Variants in XYLT1 observed in about 807,000 individuals in gnomAD.
XYLT1 encodes xylosyltransferase 1.
XYLT1 carries 36 observed loss-of-function variants against 91.3 expected under a neutral mutation model. That is an observed-to-expected ratio of 0.39 (90% CI 0.30 to 0.52). The LOEUF (loss-of-function observed/expected upper bound fraction) is 0.52. Among genes scored for constraint, XYLT1 ranks in the 20% least tolerant of loss-of-function variants. The pLI is 0.68. For synonymous variants in XYLT1, 588 were observed against 532.0 expected (o/e 1.11, Z -1.45); for missense variants, 1,242 against 1,284.5 (o/e 0.97, Z 0.51).
At chr16:17,357,844 G>A (rs1349976492) in intron 2 of XYLT1, among the ~76,000 whole-genome samples, 168 bp downstream of exon 2, 2 of 152,236 alleles carry the variant, frequency 1.3e-5, no homozygotes, top group African/African-American at 4.8e-5. Flanking sequence ...GCACACACGT[G>A]TACACTATAT....
At chr16:17,375,545 G>C (rs577966700) in intron 1 of XYLT1, among the ~76,000 whole-genome samples, 1 of 150,856 alleles carries the variant, frequency 6.6e-6, no homozygotes, top group Non-Finnish European at 1.5e-5. Context: ...AAGTTGCTCT[G>C]AGTCTTACAG....
intron 2 of XYLT1, among the ~76,000 whole-genome samples, chr16:17,309,762 G>A (rs1257255512): frequency 6.6e-6 from 1 of 152,148 alleles, no homozygotes; most frequent in Non-Finnish European, 1.5e-5. Context: ...CCTTTATTTT[G>A]CGAATGAGCC....
intron 2 of XYLT1, among the ~76,000 whole-genome samples, chr16:17,341,323 C>A (rs2035060803): frequency 6.6e-6 from 1 of 152,056 alleles, no homozygotes; most frequent in South Asian, 2.1e-4. Flanking sequence ...CTACTACATC[C>A]CAGAGACTGT....
At chr16:17,385,411 C>T (rs966537946) in intron 1 of XYLT1, among the ~76,000 whole-genome samples, 1 of 151,676 alleles carries the variant, frequency 6.6e-6, no homozygotes, top group East Asian at 2.0e-4. Flanking sequence ...ATATGCTGTA[C>T]GAAGAAAGTA....
chr16:17,200,005 G>A (rs1348053470), intron 4 of XYLT1, among the ~76,000 whole-genome samples: 2 of 151,842 alleles, frequency 1.3e-5, no homozygotes, highest in African/African-American at 4.8e-5. Context: ...GGCAGATCAC[G>A]AGGTCAAGAG....
At chr16:17,381,712 C>A (rs2035682782) in intron 1 of XYLT1, among the ~76,000 whole-genome samples, 1 of 152,086 alleles carries the variant, frequency 6.6e-6, no homozygotes, top group Non-Finnish European at 1.5e-5. Flanking sequence ...CAGGTGTGAG[C>A]CACTGTGCCT....
intron 1 of XYLT1, among the ~76,000 whole-genome samples, chr16:17,430,693 G>A (rs556205073): frequency 1.4e-4 from 22 of 152,168 alleles, no homozygotes; most frequent in Middle Eastern, 3.4e-3. Flanking sequence ...ATTTGTGAAT[G>A]TTTACATATG....
At chr16:17,145,685 T>C (rs1207028667) in intron 6 of XYLT1, among the ~76,000 whole-genome samples, 1 of 152,186 alleles carries the variant, frequency 6.6e-6, no homozygotes, top group Non-Finnish European at 1.5e-5. Flanking sequence ...ATTTTTGAGA[T>C]GAGATTCCTC....
rs541783628 is a variant in XYLT1 at position 17,126,650 on chromosome 16, A to G, written c.2223+1016T>C. ...CCCTCAAGATGTACCATAGTCTACAATCAGACTCTTGGTCCCTAATCCAGC... is the reference window on the plus strand; with the variant it reads ...CCCTCAAGATGTACCATAGTCTACAGTCAGACTCTTGGTCCCTAATCCAGC... On this transcript the variant is annotated intron_variant, in intron 10 of 11. Transcript: ENST00000261381. Among the ~76,000 whole-genome samples, 10 of 152,322 alleles carry G rather than the reference A, an allele frequency of 6.6e-5. No homozygotes were observed. The East Asian group carries it at 1.5e-3, about 24-fold the overall frequency.
chr16:17,219,294 A>AAG (rs2032919105), intron 3 of XYLT1, among the ~76,000 whole-genome samples: 1 of 138,772 alleles, frequency 7.2e-6, no homozygotes, highest in South Asian at 2.1e-4. Flanking sequence ...AAAAAAAAAA[A>AAG]AAAAAAAGAA....
intron 6 of XYLT1, among the ~76,000 whole-genome samples, chr16:17,155,143 C>T (rs888507382): frequency 6.6e-6 from 1 of 152,224 alleles, no homozygotes; most frequent in East Asian, 1.9e-4. Flanking sequence ...GGCTTCATCA[C>T]GTGAGAATTA....
At chr16:17,330,848 C>G (rs916847625) in intron 2 of XYLT1, among the ~76,000 whole-genome samples, 1 of 151,828 alleles carries the variant, frequency 6.6e-6, no homozygotes. Context: ...TGTAGAGGAG[C>G]AAGGGGCAGT....
intron 1 of XYLT1, among the ~76,000 whole-genome samples, chr16:17,372,310 T>A (rs138435522): frequency 3.9e-5 from 6 of 152,368 alleles, no homozygotes; most frequent in African/African-American, 1.4e-4. Flanking sequence ...AGTGCACTAA[T>A]CTTTTCAATC....
chr16:17,130,989 C>T (rs1176226497), intron 9 of XYLT1, among the ~76,000 whole-genome samples: 2 of 152,090 alleles, frequency 1.3e-5, no homozygotes, highest in African/African-American at 4.8e-5. Flanking sequence ...CAGCATTTAC[C>T]CTTATTGATC....
chr16:17,213,787 T>G (rs1392910193), intron 3 of XYLT1, among the ~76,000 whole-genome samples: 1 of 151,892 alleles, frequency 6.6e-6, no homozygotes, highest in Non-Finnish European at 1.5e-5. Flanking sequence ...CCCGGCTAAT[T>G]TTTTGTATTT....
At chr16:17,245,170 T>A (rs2033416886) in intron 3 of XYLT1, among the ~76,000 whole-genome samples, 1 of 152,216 alleles carries the variant, frequency 6.6e-6, no homozygotes, top group African/African-American at 2.4e-5. Context: ...TTTAAAATAA[T>A]GAGAATGTAT....
chr16:17,294,658 C>T (rs2034284035), intron 2 of XYLT1, among the ~76,000 whole-genome samples: 1 of 152,026 alleles, frequency 6.6e-6, no homozygotes, highest in Non-Finnish European at 1.5e-5. Flanking sequence ...CTCAGCCCTG[C>T]ACCCTGCTGC....
intron 3 of XYLT1, among the ~76,000 whole-genome samples, chr16:17,203,472 G>A (rs1429280608): frequency 6.7e-6 from 1 of 150,270 alleles, no homozygotes; most frequent in Non-Finnish European, 1.5e-5. Context: ...CCACTAATCT[G>A]TCCATCCATC....
intron 1 of XYLT1, among the ~76,000 whole-genome samples, chr16:17,405,431 C>T (rs1232367962): frequency 2.0e-5 from 3 of 152,192 alleles, no homozygotes; most frequent in Non-Finnish European, 4.4e-5. Flanking sequence ...ACTTTCCATT[C>T]GCCACACACC....
Sources: allele counts gnomAD v4.1 joint callset (sites outside exome capture counted in the v4.1 genomes callset), GRCh38; gene constraint gnomAD v4.1.1; transcripts MANE v1.5; gene names NCBI Gene and HGNC (gene_info 2026-07-23, HGNC 2026-07-21).